LRBA: variants seen among roughly 807,000 people sequenced by gnomAD.
LRBA encodes the protein lipopolysaccharide-responsive and beige-like anchor protein.
A neutral mutation model predicts 330.0 loss-of-function variants in LRBA; 176 were observed. The observed-to-expected ratio is 0.53, with a 90% CI of 0.47 to 0.60. The LOEUF (loss-of-function observed/expected upper bound fraction) is 0.60. Among genes scored for constraint, LRBA ranks in the 20% least tolerant of loss-of-function variants. LRBA has a pLI of 0.00. For synonymous variants in LRBA, 1,230 were observed against 1,193.0 expected (o/e 1.03, Z -0.64); for missense variants, 3,259 against 3,444.8 (o/e 0.95, Z 1.35).
intron 40 of LRBA, among the ~76,000 whole-genome samples, chr4:150,514,142 G>A (rs1412883858): frequency 1.3e-5 from 2 of 152,108 alleles, no homozygotes; most frequent in Non-Finnish European, 2.9e-5. Context: ...GCATGATCCT[G>A]GCTCACTGCA....
At chr4:150,628,388 A>G (rs1561442796) in intron 37 of LRBA, among the ~76,000 whole-genome samples, 2 of 152,106 alleles carry the variant, frequency 1.3e-5, no homozygotes, top group Non-Finnish European at 2.9e-5. Flanking sequence ...GCTCCATATT[A>G]TTTTATAGAA....
At chr4:150,343,965 A>G (rs1735929961) in intron 48 of LRBA, among the ~76,000 whole-genome samples, 1 of 152,156 alleles carries the variant, frequency 6.6e-6, no homozygotes, top group Non-Finnish European at 1.5e-5. Context: ...CTACTCTCCA[A>G]TCTGAGATGA....
chr4:150,417,179 A>G (rs1469839247), intron 46 of LRBA, among the ~76,000 whole-genome samples: 1 of 152,140 alleles, frequency 6.6e-6, no homozygotes, highest in Non-Finnish European at 1.5e-5. Flanking sequence ...TGATGAGAAA[A>G]CAACTGGCTA....
rs1561248889 is a variant in LRBA, at chr4:150,489,041, A to AT, written c.6449-1208_6449-1207insA. Among the ~76,000 whole-genome samples, 12 of 109,156 alleles carry AT rather than the reference A, an allele frequency of 1.1e-4. 1 individual carries two copies. In the South Asian group the frequency reaches 1.3e-3, roughly 12 times the overall value. The allele number at this position is 109,156 out of a possible 152,430, so 71.6% of individuals were successfully genotyped here. A position where few individuals can be genotyped will look rare whatever the true frequency, so the allele number is the denominator to read the frequency against. ...ATATATAAGAATATATATTATATAT[A>AT]ATATATTATATATAAGAATATATAA... On this transcript the variant is annotated intron_variant, in intron 41 of 56. Coordinates refer to ENST00000651943, the MANE Select transcript of LRBA (RefSeq NM_001364905.1).
intron 26 of LRBA, among the ~76,000 whole-genome samples, chr4:150,847,169 TAGATA>T (rs1421768225): frequency 5.9e-5 from 9 of 152,198 alleles, no homozygotes; most frequent in Admixed American, 6.5e-5. Flanking sequence ...TTTTTAGCTA[TAGATA>T]AGTTTCCCAA....
chr4:150,282,563 T>A lies in LRBA; in HGVS notation c.8203A>T (p.Ile2735Phe). 1 of 1,613,890 alleles carries A rather than the reference T, an allele frequency of 6.2e-7. No individual in the cohort carries two copies. Among genetic ancestry groups the A allele is most frequent in the Non-Finnish European group, 8.5e-7 (1 of 1,179,772 alleles). Residue 2735 changes from isoleucine (I) to phenylalanine (F), a missense_variant, in exon 55 of 57, where the codon ATT becomes TTT. Coordinates refer to ENST00000651943, the MANE Select transcript of LRBA (RefSeq NM_001364905.1). ...GPENCLKPKL[I>F]QASREGHCVI... ...CAATGACCCTCTCTTGAAGCCTGAA[T>A]GAGTTTTGGTTTCAGGCAGTTTTCA...
At chr4:150,603,442 T>C (rs1774316730) in intron 37 of LRBA, among the ~76,000 whole-genome samples, 1 of 152,196 alleles carries the variant, frequency 6.6e-6, no homozygotes. Flanking sequence ...AATACATCAC[T>C]ATAATCTACA....
At chr4:150,647,287 T>C (rs1467620630) in intron 37 of LRBA, among the ~76,000 whole-genome samples, 1 of 151,698 alleles carries the variant, frequency 6.6e-6, no homozygotes, top group African/African-American at 2.4e-5. Context: ...AGGAAAATGC[T>C]TTATGACTAA....
intron 47 of LRBA, among the ~76,000 whole-genome samples, chr4:150,393,745 C>T (rs1744331624): frequency 6.6e-6 from 1 of 152,176 alleles, no homozygotes; most frequent in South Asian, 2.1e-4. Flanking sequence ...CTTGGCCTCC[C>T]AAAGTGTTGG....
intron 40 of LRBA, among the ~76,000 whole-genome samples, chr4:150,553,573 A>G (rs1766901225): frequency 6.6e-6 from 1 of 152,174 alleles, no homozygotes; most frequent in Non-Finnish European, 1.5e-5. Flanking sequence ...AAGACAGAAT[A>G]CAAAAATACA....
intron 46 of LRBA, among the ~76,000 whole-genome samples, chr4:150,429,848 A>T (rs1012903675): frequency 1.3e-5 from 2 of 152,122 alleles, no homozygotes; most frequent in Non-Finnish European, 2.9e-5. Context: ...TGTCTTTTTC[A>T]TCTGGAGAGA....
chr4:150,603,706 C>A (rs1041874335), intron 37 of LRBA, among the ~76,000 whole-genome samples: 11 of 152,080 alleles, frequency 7.2e-5, no homozygotes, highest in African/African-American at 2.7e-4. Context: ...TGCTACATTG[C>A]CCAGGCTGGT....
chr4:150,802,188 C>A (rs1366395350), intron 33 of LRBA, among the ~76,000 whole-genome samples: 1 of 148,090 alleles, frequency 6.8e-6, no homozygotes, highest in East Asian at 2.0e-4. Context: ...CCATTGCACT[C>A]CAGTCTGGGT....
At chr4:150,735,179 G>GCCA in intron 36 of LRBA, 79 bp downstream of exon 36, 1 of 1,045,382 alleles carries the variant, frequency 9.6e-7, no homozygotes, top group South Asian at 1.3e-5. Flanking sequence ...CTTTGGACCT[G>GCCA]CCATTTTACC....
intron 35 of LRBA, among the ~76,000 whole-genome samples, chr4:150,760,776 AC>A (rs1734962040): frequency 6.6e-6 from 1 of 152,206 alleles, no homozygotes; most frequent in African/African-American, 2.4e-5. Context: ...CCCTGTACTT[AC>A]ATATTTCTAT....
chr4:150,820,266 A>G (rs1181950606), intron 30 of LRBA, among the ~76,000 whole-genome samples: 1 of 152,024 alleles, frequency 6.6e-6, no homozygotes, highest in African/African-American at 2.4e-5. Context: ...CTAACAGCAG[A>G]GCCTTGAATT....
chr4:150,849,198 T>A lies in LRBA; in HGVS notation c.4159-200A>T, dbSNP rs552054839. 3.3e-5 allele frequency among the ~76,000 whole-genome samples: 5 copies of A among 152,284 alleles called. No individual in the cohort carries two copies. The South Asian group carries it at 1.0e-3, about 32-fold the overall frequency. ...ACAGAACCATACAGGTGAAACATCA[T>A]GAACCACATTCTTCACTAGCTGACT... is the stretch of plus-strand genomic sequence containing the variant. On this transcript the variant is annotated intron_variant, in intron 25 of 56. Transcript: ENST00000651943.
Position 150,858,714 on chromosome 4 carries a change from G to C in LRBA, c.2767-5771C>G, listed in dbSNP as rs1201028756. Among the ~76,000 whole-genome samples, 4 of 152,078 alleles carry C rather than the reference G, an allele frequency of 2.6e-5. No homozygotes were observed. The East Asian group carries it at 7.7e-4, about 29-fold the overall frequency. On this transcript the variant is annotated intron_variant, in intron 22 of 56. Transcript: ENST00000651943. ...GGCTAATTTTTGTATTTTTAGTAGAGACAGGGTTTCACCACGTTGACCAGG... is the reference window on the plus strand; with the variant it reads ...GGCTAATTTTTGTATTTTTAGTAGACACAGGGTTTCACCACGTTGACCAGG...
chr4:150,266,412 G>C (rs1435034670), intron 56 of LRBA, among the ~76,000 whole-genome samples: 1 of 152,238 alleles, frequency 6.6e-6, no homozygotes, highest in East Asian at 1.9e-4. Context: ...AATCACTGAA[G>C]ATAAGAACTT....
Sources: gnomAD v4.1 joint callset for allele counts (sites outside exome capture counted in the v4.1 genomes callset) on GRCh38, gnomAD v4.1.1 for gene constraint, MANE v1.5 for transcripts, NCBI Gene and HGNC (gene_info 2026-07-23, HGNC 2026-07-21) for gene names.